ACSF3: variants seen among roughly 807,000 people sequenced by gnomAD.
ACSF3 encodes the protein acyl-CoA synthetase family member 3, also known as malonate--CoA ligase ACSF3, mitochondrial.
ACSF3 carries 78 observed loss-of-function variants against 53.2 expected under a neutral mutation model. That is an observed-to-expected ratio of 1.47 (90% confidence interval 1.22 to 1.77). ACSF3 has a LOEUF of 1.77. Ranked by LOEUF, ACSF3 falls within the 40% of genes most tolerant of loss-of-function variation. The probability of loss-of-function intolerance (pLI) is 0.00; values close to 1 mark genes in which losing one functional copy is unlikely to be tolerated. For synonymous variants in ACSF3, 414 were observed against 333.1 expected, an observed-to-expected ratio of 1.24 and a Z score of -2.65; for missense variants, 937 against 771.1, an observed-to-expected ratio of 1.22 and a Z score of -2.55.
At chr16:89,105,681 C>T (rs1348382016) in intron 4 of ACSF3, among the ~76,000 whole-genome samples, 2 of 152,164 alleles carry the variant, frequency 1.3e-5, no homozygotes, top group Non-Finnish European at 2.9e-5. Context: ...GGGGGCTGCC[C>T]GGGCGCTGAC....
intron 8 of ACSF3, among the ~76,000 whole-genome samples, chr16:89,134,387 G>A (rs1326141505): frequency 6.6e-6 from 1 of 152,216 alleles, no homozygotes; most frequent in African/African-American, 2.4e-5. Flanking sequence ...CAGGAACAAT[G>A]GCGAGCCTTT....
intron 5 of ACSF3, 82 bp downstream of exon 5, chr16:89,112,328 C>T: frequency 1.9e-6 from 3 of 1,565,152 alleles, no homozygotes; most frequent in Non-Finnish European, 2.6e-6. Context: ...ATCACTCCTA[C>T]TAAGTTCTGG....
At position 89,102,573 on chromosome 16, in the gene ACSF3, T is replaced by C. The variant is rs4782457; in HGVS notation, c.667-31T>C. The C allele has an allele frequency of 0.74, 1,194,744 of 1,611,484 alleles. 448,142 individuals are homozygous for C. The highest frequency in any genetic ancestry group is 0.81 in the Admixed American group (48,364 of 60,000). On this transcript the variant is annotated intron_variant, in intron 3 of 10. Coordinates refer to ENST00000614302, the MANE Select transcript of ACSF3 (RefSeq NM_001243279.3). ...GCTGTTGCGGGCCACAGTCTTGCTCTTGCTCTCAGCTGTGCTCTCGTCCCC... is the reference window on the plus strand; with the variant it reads ...GCTGTTGCGGGCCACAGTCTTGCTCCTGCTCTCAGCTGTGCTCTCGTCCCC...
chr16:89,132,071 A>G (rs766174052), intron 7 of ACSF3, among the ~76,000 whole-genome samples: 6 of 152,236 alleles, frequency 3.9e-5, no homozygotes, highest in African/African-American at 1.2e-4. Flanking sequence ...AGGACGACAC[A>G]CTCGGCAGAG....
intron 10 of ACSF3, chr16:89,147,903 A>G (rs938677067): frequency 3.3e-5 from 5 of 152,258 alleles, no homozygotes; most frequent in African/African-American, 1.2e-4. Context: ...CGTCTGAGAC[A>G]AGGCAAGTCC....
intron 10 of ACSF3, chr16:89,149,256 C>T (rs1742610760): frequency 6.6e-6 from 1 of 152,232 alleles, no homozygotes; most frequent in African/African-American, 2.4e-5. Flanking sequence ...CTTCCGAGCT[C>T]TCCAAATCGT....
At chr16:89,144,345 G>A (rs895780976) in intron 8 of ACSF3, among the ~76,000 whole-genome samples, 1 of 152,248 alleles carries the variant, frequency 6.6e-6, no homozygotes, top group African/African-American at 2.4e-5. Context: ...AAAACGTGGG[G>A]CAGCCCCGGC....
intron 8 of ACSF3, chr16:89,141,244 A>G (rs1226265228): frequency 7.8e-7 from 1 of 1,287,124 alleles, no homozygotes; most frequent in Non-Finnish European, 1.0e-6. Flanking sequence ...AAAACCAGCC[A>G]CTTTTCCCCT....
intron 6 of ACSF3, among the ~76,000 whole-genome samples, chr16:89,119,584 G>A (rs904832627): frequency 6.6e-6 from 1 of 152,210 alleles, no homozygotes; most frequent in Non-Finnish European, 1.5e-5. Context: ...ACATAAAGGA[G>A]GAGAAAGGAT....
At position 89,154,678 on chromosome 16, in the gene ACSF3, G is replaced by C. The variant is rs1364585217; in HGVS notation, c.*471G>C. 2.2e-6 allele frequency: 1 copy of C among 454,076 alleles called. No individual in the cohort carries two copies. The highest frequency in any genetic ancestry group is 1.6e-5 in the South Asian group (1 of 64,372). The allele number at this position is 454,076 out of a possible 1,614,324, so 28.1% of individuals were successfully genotyped here. ...ATAGGAGGTCTGGGCAGCCACCCAG[G>C]GGGCCCTCCTGGGAGGAGCTGAGGG... On this transcript the variant is annotated 3_prime_UTR_variant, in exon 11 of 11. Transcript: ENST00000614302.
intron 1 of ACSF3, among the ~76,000 whole-genome samples, chr16:89,097,548 C>G (rs545753323): frequency 1.3e-5 from 2 of 152,232 alleles, no homozygotes; most frequent in Non-Finnish European, 2.9e-5. Flanking sequence ...TTTCTGTGCC[C>G]TCACACCTGT....
chr16:89,102,590 C>T lies in ACSF3; in HGVS notation c.667-14C>T, dbSNP rs375555298. On this transcript the variant is annotated splice_polypyrimidine_tract_variant and intron_variant, in intron 3 of 10. Coordinates refer to ENST00000614302, the MANE Select transcript of ACSF3 (RefSeq NM_001243279.3). ...TCTTGCTCTTGCTCTCAGCTGTGCT[C>T]TCGTCCCCTGCAGGTGACCGGGCTG... 2.5e-5 allele frequency: 40 copies of T among 1,613,304 alleles called. No homozygotes were observed. The African/African-American group carries it at 4.1e-4, about 17-fold the overall frequency.
At position 89,132,312 on chromosome 16, in the gene ACSF3, G is replaced by C. The variant is rs562922557; in HGVS notation, c.1240-824G>C. Among the ~76,000 whole-genome samples the C allele has an allele frequency of 3.3e-4, 51 of 152,288 alleles. 1 individual carries two copies. Among genetic ancestry groups the C allele is most frequent in the African/African-American group, 1.1e-3 (47 of 41,544 alleles). On this transcript the variant is annotated intron_variant, in intron 7 of 10. Transcript: ENST00000614302. ...AGTGAGGGTCGTGGAGCTGGCAGCT[G>C]CTCATCTGAAGCCCCTGCTCCTTCT...
At chr16:89,112,322 C>A in intron 5 of ACSF3, 76 bp downstream of exon 5, 1 of 1,571,808 alleles carries the variant, frequency 6.4e-7, no homozygotes, top group African/African-American at 1.3e-5. Flanking sequence ...TAATAAATCA[C>A]TCCTACTAAG....
At chr16:89,139,599 T>G (rs1188011250) in intron 8 of ACSF3, among the ~76,000 whole-genome samples, 6 of 147,938 alleles carry the variant, frequency 4.1e-5, no homozygotes, top group African/African-American at 1.0e-4. Flanking sequence ...CTGTTTTTTT[T>G]TTTTTTTTTT....
At chr16:89,104,164 C>T (rs895184621) in intron 4 of ACSF3, among the ~76,000 whole-genome samples, 1 of 152,192 alleles carries the variant, frequency 6.6e-6, no homozygotes, top group African/African-American at 2.4e-5. Flanking sequence ...GAAGCAGAGC[C>T]CTCCGGTGAG....
chr16:89,136,887 A>G (rs968056415), intron 8 of ACSF3: 10 of 1,237,512 alleles, frequency 8.1e-6, no homozygotes, highest in Non-Finnish European at 1.0e-5. Context: ...GTCTCAGGTA[A>G]CTCCTCTGAC....
chr16:89,144,082 C>T (rs1597241511), intron 8 of ACSF3, among the ~76,000 whole-genome samples: 3 of 152,220 alleles, frequency 2.0e-5, no homozygotes, highest in Admixed American at 6.5e-5. Context: ...ACGCATACCG[C>T]GCCCTCCCAG....
intron 4 of ACSF3, among the ~76,000 whole-genome samples, chr16:89,110,970 G>T (rs767127011): frequency 6.6e-6 from 1 of 152,158 alleles, no homozygotes; most frequent in Non-Finnish European, 1.5e-5. Flanking sequence ...TTTCTGCTGC[G>T]TCTTGTTTGT....
Sources: allele counts gnomAD v4.1 joint callset (sites outside exome capture counted in the v4.1 genomes callset), GRCh38; gene constraint gnomAD v4.1.1; transcripts MANE v1.5; gene names NCBI Gene and HGNC (gene_info 2026-07-23, HGNC 2026-07-21).